The following RSPO2 variants were observed in gnomAD, a reference collection of about 807,000 sequenced individuals.
The protein encoded by RSPO2 is R-spondin 2.
Under a neutral mutation model 30.9 loss-of-function variants are expected in RSPO2, and 14 were observed. The ratio of observed to expected loss-of-function variants is 0.45; its 90% CI spans 0.30 to 0.71. The LOEUF (loss-of-function observed/expected upper bound fraction) is 0.71, where lower values mean the gene tolerates loss of function less well. Among genes scored for constraint, RSPO2 ranks in the 30% least tolerant of loss-of-function variants. The probability of loss-of-function intolerance (pLI) is 0.08; values close to 1 mark genes in which losing one functional copy is unlikely to be tolerated. For missense variants in RSPO2, 264 were observed against 301.9 expected, an observed-to-expected ratio of 0.87 and a Z score of 0.93; for synonymous variants, 107 against 96.4, an observed-to-expected ratio of 1.11 and a Z score of -0.64.
At position 108,047,318 on chromosome 8, in the gene RSPO2, A is replaced by G. The variant is rs1811934311; in HGVS notation, c.94+35227T>C. On this transcript the variant is annotated intron_variant, in intron 2 of 5. Transcript: ENST00000276659. Reference sequence around the variant, plus strand: ...CAATTCTTAATCCTTCATATGTCAGAGGCCATGCCTAGTATATGCAAGGAG... The same window carrying G: ...CAATTCTTAATCCTTCATATGTCAGGGGCCATGCCTAGTATATGCAAGGAG... Among the ~76,000 whole-genome samples, 3 of 152,252 alleles carry G rather than the reference A, an allele frequency of 2.0e-5. No homozygotes were observed. The South Asian group carries it at 6.2e-4, about 32-fold the overall frequency.
At chr8:107,983,615 T>C in intron 3 of RSPO2, 1 of 1,596,084 alleles carries the variant, frequency 6.3e-7, no homozygotes, top group Non-Finnish European at 8.6e-7. Context: ...GATAAAACAA[T>C]TATAGAGGAG....
At chr8:108,053,188 A>G (rs979861732) in intron 2 of RSPO2, among the ~76,000 whole-genome samples, 4 of 152,132 alleles carry the variant, frequency 2.6e-5, no homozygotes, top group Non-Finnish European at 5.9e-5. Flanking sequence ...GGCTTGCAGG[A>G]GAGCTTCTTG....
chr8:107,950,447 T>G (rs1236564390), intron 5 of RSPO2, among the ~76,000 whole-genome samples: 4 of 151,784 alleles, frequency 2.6e-5, no homozygotes, highest in Non-Finnish European at 2.9e-5. Context: ...GAGCTCTTAT[T>G]CTAATTTAAA....
intron 5 of RSPO2, among the ~76,000 whole-genome samples, chr8:107,933,734 C>T (rs55865279): frequency 1.3e-5 from 2 of 151,976 alleles, no homozygotes; most frequent in East Asian, 1.9e-4. Flanking sequence ...TATCATTGTA[C>T]GACAAAACAG....
chr8:108,033,998 G>A (rs532112529), intron 2 of RSPO2, among the ~76,000 whole-genome samples: 1 of 152,244 alleles, frequency 6.6e-6, no homozygotes, highest in Admixed American at 6.5e-5. Flanking sequence ...ATGAAATCAT[G>A]GCATCTGTGC....
intron 2 of RSPO2, among the ~76,000 whole-genome samples, chr8:108,080,464 G>A (rs1202613515): frequency 2.0e-5 from 3 of 152,178 alleles, no homozygotes; most frequent in Admixed American, 6.5e-5. Flanking sequence ...GAGTTAGACT[G>A]TCAGTGCTTT....
At chr8:107,974,729 GGAA>G (rs1814149622) in intron 3 of RSPO2, among the ~76,000 whole-genome samples, 1 of 151,716 alleles carries the variant, frequency 6.6e-6, no homozygotes, top group African/African-American at 2.4e-5. Context: ...CAGGGAGGGG[GGAA>G]GAAGAAGAAA....
intron 2 of RSPO2, among the ~76,000 whole-genome samples, chr8:108,061,506 C>T (rs1812462796): frequency 6.6e-6 from 1 of 151,678 alleles, no homozygotes; most frequent in South Asian, 2.1e-4. Context: ...ATATATGCAC[C>T]CAATACGGGA....
At chr8:107,947,187 C>T (rs1813091127) in intron 5 of RSPO2, among the ~76,000 whole-genome samples, 1 of 152,188 alleles carries the variant, frequency 6.6e-6, no homozygotes, top group Admixed American at 6.5e-5. Context: ...TTAGATTATA[C>T]AATTGAAATT....
chr8:107,979,642 T>C (rs1288509573), intron 3 of RSPO2, among the ~76,000 whole-genome samples: 1 of 152,080 alleles, frequency 6.6e-6, no homozygotes, highest in Non-Finnish European at 1.5e-5. Context: ...AACCTGCACG[T>C]TGTGCACATG....
chr8:107,974,181 A>G (rs1404363750), intron 3 of RSPO2, among the ~76,000 whole-genome samples: 5 of 152,138 alleles, frequency 3.3e-5, no homozygotes, highest in Admixed American at 6.5e-5. Context: ...AGGAGCAAGG[A>G]CTATACAATG....
chr8:107,976,644 G>T (rs1444203605), intron 3 of RSPO2, among the ~76,000 whole-genome samples: 2 of 152,112 alleles, frequency 1.3e-5, no homozygotes, highest in East Asian at 3.9e-4. Flanking sequence ...GGACACTGGG[G>T]CTCAGATTAT....
intron 5 of RSPO2, among the ~76,000 whole-genome samples, chr8:107,955,966 T>TA (rs924186138): frequency 2.0e-5 from 3 of 152,204 alleles, no homozygotes; most frequent in Non-Finnish European, 4.4e-5. Context: ...AATCAAGATG[T>TA]AAAAAGGGAT....
intron 2 of RSPO2, among the ~76,000 whole-genome samples, chr8:108,047,377 GA>G (rs1811936693): frequency 6.6e-6 from 1 of 152,186 alleles, no homozygotes; most frequent in Non-Finnish European, 1.5e-5. Context: ...TGTCTTGAAA[GA>G]AGTGCTATCT....
At chr8:108,057,901 T>A (rs934778988) in intron 2 of RSPO2, among the ~76,000 whole-genome samples, 1 of 152,220 alleles carries the variant, frequency 6.6e-6, no homozygotes, top group African/African-American at 2.4e-5. Context: ...TTTCTAGATA[T>A]ACAATCATGT....
At chr8:107,991,899 G>A (rs1002813300) in intron 2 of RSPO2, among the ~76,000 whole-genome samples, 1 of 152,146 alleles carries the variant, frequency 6.6e-6, no homozygotes, top group African/African-American at 2.4e-5. Context: ...ATGCTGAGAG[G>A]TTGTGGAGAA....
At chr8:107,921,360 G>C (rs1480135365) in intron 5 of RSPO2, among the ~76,000 whole-genome samples, 2 of 151,826 alleles carry the variant, frequency 1.3e-5, no homozygotes, top group African/African-American at 4.8e-5. Context: ...TCCATTGTGA[G>C]ATATGAGGCA....
chr8:107,985,254 T>C (rs972635294), intron 3 of RSPO2, among the ~76,000 whole-genome samples: 2 of 152,204 alleles, frequency 1.3e-5, no homozygotes, highest in African/African-American at 4.8e-5. Flanking sequence ...TTTGGCAATA[T>C]ATATCTTTAA....
intron 2 of RSPO2, among the ~76,000 whole-genome samples, chr8:108,060,028 A>G (rs560017558): frequency 1.3e-5 from 2 of 151,828 alleles, no homozygotes; most frequent in East Asian, 3.9e-4. Context: ...TTAAAAAAAA[A>G]GAGTACTACA....
Sources: allele counts gnomAD v4.1 joint callset (sites outside exome capture counted in the v4.1 genomes callset), GRCh38; gene constraint gnomAD v4.1.1; transcripts MANE v1.5; gene names NCBI Gene and HGNC (gene_info 2026-07-23, HGNC 2026-07-21).